UBASH3B: variants seen among roughly 807,000 people sequenced by gnomAD.
The protein encoded by UBASH3B is ubiquitin associated and SH3 domain containing B.
In UBASH3B, 37 loss-of-function variants were observed where a neutral mutation model predicts 83.4. The ratio of observed to expected loss-of-function variants is 0.44; its 90% CI spans 0.34 to 0.58. The LOEUF is 0.58. UBASH3B is among the 20% of genes least tolerant of loss of function. The pLI, the probability that UBASH3B is intolerant of heterozygous loss-of-function variation, is 0.01. For synonymous variants in UBASH3B, 304 were observed against 318.3 expected (o/e 0.96, Z 0.48); for missense variants, 657 against 827.2 (o/e 0.79, Z 2.52).
intron 1 of UBASH3B, among the ~76,000 whole-genome samples, chr11:122,725,342 A>AAAAAAAAAAAAAAAAAAAG (rs71281633): frequency 3.1e-5 from 4 of 130,776 alleles, no homozygotes; most frequent in African/African-American, 5.4e-5. Flanking sequence ...AAAAAAAAAA[A>AAAAAAAAAAAAAAAAAAAG]AAGAAAAGAA....
intron 1 of UBASH3B, among the ~76,000 whole-genome samples, chr11:122,742,986 G>A (rs1485508510): frequency 6.6e-6 from 1 of 152,190 alleles, no homozygotes; most frequent in East Asian, 1.9e-4. Flanking sequence ...TAGAGTGAGT[G>A]CCTCCATGGC....
At chr11:122,750,680 A>G (rs970928638) in intron 1 of UBASH3B, among the ~76,000 whole-genome samples, 5 of 152,186 alleles carry the variant, frequency 3.3e-5, no homozygotes, top group African/African-American at 9.7e-5. Flanking sequence ...TCCATTTTTC[A>G]TAATGCATTG....
chr11:122,667,002 A>G (rs990577278), intron 1 of UBASH3B, among the ~76,000 whole-genome samples: 3 of 145,540 alleles, frequency 2.1e-5, no homozygotes, highest in Non-Finnish European at 4.5e-5. Context: ...GTCCTCAGCC[A>G]CTTTCTCCAT....
At chr11:122,697,230 T>G (rs1176100468) in intron 1 of UBASH3B, among the ~76,000 whole-genome samples, 1 of 152,208 alleles carries the variant, frequency 6.6e-6, no homozygotes, top group East Asian at 1.9e-4. Flanking sequence ...ACCACTAACA[T>G]TTCAATTGCG....
At chr11:122,743,446 G>A (rs751326596) in intron 1 of UBASH3B, among the ~76,000 whole-genome samples, 2 of 152,080 alleles carry the variant, frequency 1.3e-5, no homozygotes, top group Admixed American at 6.5e-5. Context: ...AAACTTCTGG[G>A]CTCAAGTGAC....
At chr11:122,717,684 G>A (rs1196547281) in intron 1 of UBASH3B, among the ~76,000 whole-genome samples, 1 of 152,182 alleles carries the variant, frequency 6.6e-6, no homozygotes, top group Non-Finnish European at 1.5e-5. Flanking sequence ...CACCACAGGT[G>A]CCTTCTGGCT....
At chr11:122,661,836 C>T (rs2135890160) in intron 1 of UBASH3B, among the ~76,000 whole-genome samples, 1 of 142,704 alleles carries the variant, frequency 7.0e-6, no homozygotes, top group Admixed American at 7.2e-5. Context: ...CTGAACTTTC[C>T]AGGCTACACG....
At chr11:122,660,285 C>T (rs901783385) in intron 1 of UBASH3B, among the ~76,000 whole-genome samples, 22 of 152,052 alleles carry the variant, frequency 1.4e-4, no homozygotes, top group African/African-American at 4.3e-4. Flanking sequence ...TGTGCGTGTG[C>T]GCTCGTGTGC....
rs533057663 is a variant in UBASH3B at position 122,782,793 on chromosome 11, A to G, written c.602-260A>G. 14 of 388,438 alleles carry G rather than the reference A, an allele frequency of 3.6e-5. No individual in the cohort carries two copies. The Admixed American group carries it at 4.2e-4, about 12-fold the overall frequency. 24.1% of individuals were successfully genotyped at this position (388,438 alleles called of 1,614,324 possible). On this transcript the variant is annotated intron_variant, in intron 4 of 13. Transcript: ENST00000284273. ...AATGTTGTGAGAAGGACTTAACTAA[A>G]AGGACTGCCCTCAGCTGACCCGCAG...
At chr11:122,715,813 G>T (rs1163453243) in intron 1 of UBASH3B, among the ~76,000 whole-genome samples, 1 of 152,234 alleles carries the variant, frequency 6.6e-6, no homozygotes, top group Non-Finnish European at 1.5e-5. Flanking sequence ...AAAGAGAGAG[G>T]TCTCCAGCCT....
intron 11 of UBASH3B, among the ~76,000 whole-genome samples, chr11:122,802,078 A>C (rs939707177): frequency 3.3e-5 from 5 of 152,200 alleles, no homozygotes; most frequent in Non-Finnish European, 7.3e-5. Context: ...GCACTCTGGG[A>C]GGCCGAGGCA....
rs1861495336 is a variant in UBASH3B, at chr11:122,813,896, G to A, written c.*4010G>A. The A allele has an allele frequency of 6.6e-6, 1 of 152,224 alleles. No individual in the cohort carries two copies. Among genetic ancestry groups the A allele is most frequent in the Non-Finnish European group, 1.5e-5 (1 of 68,026 alleles). 9.4% of individuals were successfully genotyped at this position (152,224 alleles called of 1,614,324 possible). On this transcript the variant is annotated 3_prime_UTR_variant, in exon 14 of 14. Coordinates refer to ENST00000284273, the MANE Select transcript of UBASH3B (RefSeq NM_032873.5). ...AGGGAAAAAGATTGTAAATGCAGAT[G>A]AAATAACTTCATTTTTAAGTACAAA...
chr11:122,805,245 AT>A (rs1421042837), intron 11 of UBASH3B, among the ~76,000 whole-genome samples: 12 of 152,154 alleles, frequency 7.9e-5, no homozygotes, highest in Non-Finnish European at 1.0e-4. Context: ...AAACGGTCAG[AT>A]TGGCTGGGTG....
At chr11:122,713,898 T>C (rs190892866) in intron 1 of UBASH3B, among the ~76,000 whole-genome samples, 1 of 152,246 alleles carries the variant, frequency 6.6e-6, no homozygotes, top group East Asian at 1.9e-4. Context: ...CAGCCTTCCA[T>C]CAGATGTTTA....
intron 1 of UBASH3B, among the ~76,000 whole-genome samples, chr11:122,768,770 G>T (rs1481280689): frequency 1.3e-5 from 2 of 152,142 alleles, no homozygotes; most frequent in Non-Finnish European, 2.9e-5. Flanking sequence ...CTCCCAAAGT[G>T]CTGGGATTAC....
rs146758135 is a variant in UBASH3B, at chr11:122,701,926, T to G, written c.161+45716T>G. Among the ~76,000 whole-genome samples, 240 of 152,248 alleles carry G rather than the reference T, an allele frequency of 1.6e-3. 1 individual carries two copies. The highest frequency in any genetic ancestry group is 5.3e-3 in the African/African-American group (220 of 41,548). ...CTGGCATGTAGTGGCATGATCATGCTCACCGCAGCCTCAAACTCCTGGGCT... is the reference window on the plus strand; with the variant it reads ...CTGGCATGTAGTGGCATGATCATGCGCACCGCAGCCTCAAACTCCTGGGCT... On this transcript the variant is annotated intron_variant, in intron 1 of 13. Transcript: ENST00000284273.
intron 1 of UBASH3B, among the ~76,000 whole-genome samples, chr11:122,671,667 C>T (rs888132042): frequency 3.9e-5 from 6 of 152,334 alleles, no homozygotes; most frequent in South Asian, 4.1e-4. Context: ...TGTCTTGTTC[C>T]GGCCTGTGGC....
rs1311394755 is a variant in UBASH3B at position 122,812,888 on chromosome 11, C to T, written c.*3002C>T. ...TGGTAGCTAGGAGCTTATTGCTTCA[C>T]CCCAGTATGGAGTTCAGATTACAGT... On this transcript the variant is annotated 3_prime_UTR_variant, in exon 14 of 14. Coordinates refer to ENST00000284273, the MANE Select transcript of UBASH3B (RefSeq NM_032873.5). The T allele has an allele frequency of 6.6e-6, 1 of 152,364 alleles. No homozygotes were observed. Among genetic ancestry groups the T allele is most frequent in the African/African-American group, 2.4e-5 (1 of 41,416 alleles). 9.4% of individuals were successfully genotyped at this position (152,364 alleles called of 1,614,324 possible).
intron 1 of UBASH3B, among the ~76,000 whole-genome samples, chr11:122,685,249 C>A (rs187062281): frequency 3.8e-4 from 58 of 152,296 alleles, no homozygotes; most frequent in African/African-American, 1.3e-3. Context: ...TGTCCCATAT[C>A]CCCACCCCCG....
Sources: allele counts gnomAD v4.1 joint callset (sites outside exome capture counted in the v4.1 genomes callset), GRCh38; gene constraint gnomAD v4.1.1; transcripts MANE v1.5; gene names NCBI Gene and HGNC (gene_info 2026-07-23, HGNC 2026-07-21).